Variants in CTNNA2 observed in about 807,000 individuals in gnomAD.
The protein encoded by CTNNA2 is catenin alpha 2, also known as catenin alpha-2.
A neutral mutation model predicts 101.0 loss-of-function variants in CTNNA2; 42 were observed. The ratio of observed to expected loss-of-function variants is 0.42; its 90% CI spans 0.32 to 0.54. The LOEUF (loss-of-function observed/expected upper bound fraction) is 0.54, where lower values mean the gene tolerates loss of function less well. CTNNA2 is among the 20% of genes least tolerant of loss of function. The pLI, the probability that CTNNA2 is intolerant of heterozygous loss-of-function variation, is 0.14. For synonymous variants in CTNNA2, 450 were observed against 456.4 expected, an observed-to-expected ratio of 0.99 and a Z score of 0.18; for missense variants, 871 against 1,223.1, an observed-to-expected ratio of 0.71 and a Z score of 4.29.
Position 80,204,294 on chromosome 2 carries a change from G to A in CTNNA2, c.1057-188917G>A, listed in dbSNP as rs577604353. ...AAAATGGGATTTTCTTTTCTATTGC[G>A]TTGTCAGGCTGCAAACTTCCCAAAC... On this transcript the variant is annotated intron_variant, in intron 7 of 18. Transcript: ENST00000402739. Among the ~76,000 whole-genome samples the A allele has an allele frequency of 7.9e-4, 120 of 152,136 alleles. 1 individual carries two copies. Among genetic ancestry groups the A allele is most frequent in the African/African-American group, 2.4e-3 (100 of 41,452 alleles).
At chr2:80,618,433 C>T (rs929099120) in intron 17 of CTNNA2, among the ~76,000 whole-genome samples, 2 of 151,970 alleles carry the variant, frequency 1.3e-5, no homozygotes, top group Non-Finnish European at 1.5e-5. Flanking sequence ...TGAAAAGACT[C>T]TAAAGGTAGA....
intron 2 of CTNNA2, among the ~76,000 whole-genome samples, chr2:79,236,164 A>G (rs1674555102): frequency 6.6e-6 from 1 of 152,076 alleles, no homozygotes; most frequent in African/African-American, 2.4e-5. Flanking sequence ...ATGGGGTTTT[A>G]CCCTGTTGTC....
chr2:79,416,808 C>T (rs956117683), intron 4 of CTNNA2, among the ~76,000 whole-genome samples: 7 of 152,010 alleles, frequency 4.6e-5, no homozygotes, highest in East Asian at 3.9e-4. Context: ...TTTTAGGCAG[C>T]TCAATTCCTC....
chr2:79,989,608 C>A (rs1692025532), intron 7 of CTNNA2, among the ~76,000 whole-genome samples: 1 of 152,154 alleles, frequency 6.6e-6, no homozygotes, highest in African/African-American at 2.4e-5. Flanking sequence ...TGCACTCCAG[C>A]CTGGTCTGGG....
chr2:79,451,925 T>C (rs570365978), intron 4 of CTNNA2, among the ~76,000 whole-genome samples: 3 of 152,046 alleles, frequency 2.0e-5, no homozygotes, highest in Non-Finnish European at 4.4e-5. Flanking sequence ...GAACAACATC[T>C]AGATACTCTG....
intron 7 of CTNNA2, among the ~76,000 whole-genome samples, chr2:79,912,903 T>C (rs1382417143): frequency 6.6e-6 from 1 of 152,176 alleles, no homozygotes; most frequent in Non-Finnish European, 1.5e-5. Flanking sequence ...GGTGGCAGTA[T>C]AAACATAACA....
At chr2:80,075,513 A>G (rs1273654538) in intron 7 of CTNNA2, among the ~76,000 whole-genome samples, 1 of 150,330 alleles carries the variant, frequency 6.7e-6, no homozygotes, top group Non-Finnish European at 1.5e-5. Context: ...TGCATAGCAC[A>G]TAGTCATCAA....
At chr2:80,418,879 A>C (rs1008952019) in intron 8 of CTNNA2, among the ~76,000 whole-genome samples, 1 of 152,166 alleles carries the variant, frequency 6.6e-6, no homozygotes, top group Non-Finnish European at 1.5e-5. Context: ...TATCTTGAAG[A>C]ATAATTATAA....
At chr2:79,479,565 T>C in intron 4 of CTNNA2, among the ~76,000 whole-genome samples, 1 of 152,158 alleles carries the variant, frequency 6.6e-6, no homozygotes. Flanking sequence ...CAATGCTGGG[T>C]TATCATCAAG....
chr2:79,704,633 C>A (rs1261545417), intron 2 of CTNNA2, among the ~76,000 whole-genome samples: 3 of 151,856 alleles, frequency 2.0e-5, no homozygotes, highest in Admixed American at 1.3e-4. Context: ...CTGCCTCAGC[C>A]TCCCAAGTAG....
chr2:80,443,208 A>G (rs1345106013), intron 9 of CTNNA2, among the ~76,000 whole-genome samples: 1 of 152,192 alleles, frequency 6.6e-6, no homozygotes, highest in African/African-American at 2.4e-5. Context: ...TGCTTTTATA[A>G]GATTGTAAGA....
intron 17 of CTNNA2, among the ~76,000 whole-genome samples, chr2:80,612,188 A>C (rs1368916739): frequency 2.6e-5 from 4 of 151,564 alleles, no homozygotes; most frequent in Non-Finnish European, 4.4e-5. Context: ...GAGCAAGTTT[A>C]ACTTGGGACA....
intron 7 of CTNNA2, among the ~76,000 whole-genome samples, chr2:80,073,309 G>T (rs1353828323): frequency 6.6e-6 from 1 of 152,176 alleles, no homozygotes; most frequent in Non-Finnish European, 1.5e-5. Flanking sequence ...GTTCCTTGCT[G>T]TGGAAGTCTG....
chr2:80,535,972 A>G (rs1353146963), intron 9 of CTNNA2, among the ~76,000 whole-genome samples: 1 of 152,110 alleles, frequency 6.6e-6, no homozygotes, highest in Non-Finnish European at 1.5e-5. Context: ...GCCTATTCCT[A>G]TGCCCATCTT....
In CTNNA2 at chr2:80,374,682, C is replaced by CGTGT. The variant is rs57179557; in HGVS notation, c.1057-18498_1057-18495dup. ...TGTCTTTCCTCTGCGTGCGTGCGTG[C>CGTGT]GTGTGTGTGTGTGTGTGTGTGTGTG... On this transcript the variant is annotated intron_variant, in intron 7 of 18. Transcript: ENST00000402739. 2.6e-3 allele frequency among the ~76,000 whole-genome samples: 349 copies of CGTGT among 134,008 alleles called. 1 individual carries two copies. Among genetic ancestry groups the CGTGT allele is most frequent in the African/African-American group, 6.4e-3 (211 of 33,006 alleles). The allele number at this position is 134,008 out of a possible 152,430, so 87.9% of individuals were successfully genotyped here. A position where few individuals can be genotyped will look rare whatever the true frequency, so the allele number is the denominator to read the frequency against.
At chr2:79,661,725 C>T (rs1242730557) in intron 2 of CTNNA2, among the ~76,000 whole-genome samples, 2 of 152,046 alleles carry the variant, frequency 1.3e-5, no homozygotes, top group East Asian at 1.9e-4. Flanking sequence ...CACAGATAAT[C>T]CTTGAAGAGA....
chr2:79,302,145 C>T (rs2104391293), intron 2 of CTNNA2, among the ~76,000 whole-genome samples: 1 of 151,830 alleles, frequency 6.6e-6, no homozygotes, highest in African/African-American at 2.4e-5. Context: ...TAAAAGAACC[C>T]TTGACTTGAA....
intron 9 of CTNNA2, among the ~76,000 whole-genome samples, chr2:80,443,895 C>A (rs1682832083): frequency 6.6e-6 from 1 of 152,128 alleles, no homozygotes; most frequent in South Asian, 2.1e-4. Context: ...CCCTAGAGAC[C>A]AAATGGGGCA....
chr2:79,620,327 A>T (rs1434807781), intron 1 of CTNNA2, among the ~76,000 whole-genome samples: 1 of 151,972 alleles, frequency 6.6e-6, no homozygotes, highest in Non-Finnish European at 1.5e-5. Context: ...CTGCTTCTAT[A>T]TTTTTTTAGT....
Sources: gnomAD v4.1 joint callset for allele counts (sites outside exome capture counted in the v4.1 genomes callset) on GRCh38, gnomAD v4.1.1 for gene constraint, MANE v1.5 for transcripts, NCBI Gene and HGNC (gene_info 2026-07-23, HGNC 2026-07-21) for gene names.